LSM8: variants seen among roughly 807,000 people sequenced by gnomAD.
LSM8 encodes LSM8 homolog, U6 small nuclear RNA associated.
LSM8 carries 14 observed loss-of-function variants against 15.0 expected under a neutral mutation model. That is an observed-to-expected ratio of 0.93 (90% CI 0.62 to 1.46). The LOEUF (loss-of-function observed/expected upper bound fraction) is 1.46, where lower values mean the gene tolerates loss of function less well. LSM8 is among the 40% of genes most tolerant of loss of function. The probability of loss-of-function intolerance (pLI) is 0.00; values close to 1 mark genes in which losing one functional copy is unlikely to be tolerated. For synonymous variants in LSM8, 50 were observed against 42.1 expected (o/e 1.19, Z -0.73); for missense variants, 90 against 115.4 (o/e 0.78, Z 1.01).
intron 1 of LSM8, chr7:118,184,468 A>G (rs1190283290): frequency 8.4e-6 from 4 of 474,484 alleles, no homozygotes; most frequent in Non-Finnish European, 1.4e-5. Context: ...TGCAAAACCC[A>G]AATAAAAACC....
In LSM8 at chr7:118,198,145, T is replaced by G. The variant is rs1809111310; in HGVS notation, c.*6143T>G. On this transcript the variant is annotated 3_prime_UTR_variant, in exon 4 of 4. Transcript: ENST00000249299. ...AATGTGATGTTTTTAATCACATATT[T>G]TAAAATTAAAAATTTGATCAAATTT... Among the ~76,000 whole-genome samples the G allele has an allele frequency of 6.6e-6, 1 of 152,166 alleles. No individual in the cohort carries two copies. The highest frequency in any genetic ancestry group is 1.9e-4 in the East Asian group (1 of 5,198).
rs1182476085 is a variant in LSM8, at chr7:118,195,278, T to C, written c.*3276T>C. On this transcript the variant is annotated 3_prime_UTR_variant, in exon 4 of 4. Transcript: ENST00000249299. ...GGGATGAGTCTCTAACCCCACAGAA[T>C]TGATTTCAAACACAGGATCTTATTC... Among the ~76,000 whole-genome samples, 12 of 152,188 alleles carry C rather than the reference T, an allele frequency of 7.9e-5. No homozygotes were observed. Among genetic ancestry groups the C allele is most frequent in the Non-Finnish European group, 1.8e-4 (12 of 68,026 alleles).
Position 118,199,898 on chromosome 7 carries a change from A to G in LSM8, c.*7896A>G, listed in dbSNP as rs117914406. Among the ~76,000 whole-genome samples, 429 of 152,282 alleles carry G rather than the reference A, an allele frequency of 2.8e-3. 21 individuals carry two copies. The East Asian group carries it at 0.076, about 27-fold the overall frequency. On this transcript the variant is annotated 3_prime_UTR_variant, in exon 4 of 4. Coordinates refer to ENST00000249299, the MANE Select transcript of LSM8 (RefSeq NM_016200.5). ...GTGAATACGTTGATATAGCAATTTAATAAATGTGTTATTGTCAATGTAGGC... is the reference window on the plus strand; with the variant it reads ...GTGAATACGTTGATATAGCAATTTAGTAAATGTGTTATTGTCAATGTAGGC...
rs1184399256 is a variant in LSM8 at position 118,192,116 on chromosome 7, C to G, written c.*114C>G. On this transcript the variant is annotated 3_prime_UTR_variant, in exon 4 of 4. Coordinates refer to ENST00000249299, the MANE Select transcript of LSM8 (RefSeq NM_016200.5). Reference sequence around the variant, plus strand: ...ACTGGATTTTGACTCCTTATTGATTCATTGTAATATGTAAATTAAAATATT... The same window carrying G: ...ACTGGATTTTGACTCCTTATTGATTGATTGTAATATGTAAATTAAAATATT... The G allele has an allele frequency of 1.7e-6, 1 of 577,178 alleles. No individual in the cohort carries two copies. The highest frequency in any genetic ancestry group is 2.8e-6 in the Non-Finnish European group (1 of 359,286). The allele number at this position is 577,178 out of a possible 1,614,324, so 35.8% of individuals were successfully genotyped here.
At position 118,194,567 on chromosome 7, in the gene LSM8, G is replaced by A. The variant is rs181998565; in HGVS notation, c.*2565G>A. The stretch of plus-strand genomic sequence containing the variant: ...GTTTAACAACTTTATAACATCCTTC[G>A]GAATTTTTAAGGTAATAATGTGAGA... On this transcript the variant is annotated 3_prime_UTR_variant, in exon 4 of 4. Coordinates refer to ENST00000249299, the MANE Select transcript of LSM8 (RefSeq NM_016200.5). 2.6e-5 allele frequency among the ~76,000 whole-genome samples: 4 copies of A among 152,032 alleles called. No individual in the cohort carries two copies. Among genetic ancestry groups the A allele is most frequent in the Non-Finnish European group, 2.9e-5 (2 of 67,930 alleles).
intron 3 of LSM8, chr7:118,190,751 G>C (rs1361465316): frequency 6.6e-6 from 1 of 152,050 alleles, no homozygotes; most frequent in East Asian, 1.9e-4. Flanking sequence ...TTTATTAGAT[G>C]ATTTAAGACT....
Position 118,203,323 on chromosome 7 carries a change from C to T in LSM8, c.*11321C>T. Among the ~76,000 whole-genome samples, 1 of 151,628 alleles carries T rather than the reference C, an allele frequency of 6.6e-6. No homozygotes were observed. The highest frequency in any genetic ancestry group is 1.9e-4 in the East Asian group (1 of 5,182). On this transcript the variant is annotated 3_prime_UTR_variant, in exon 4 of 4. Coordinates refer to ENST00000249299, the MANE Select transcript of LSM8 (RefSeq NM_016200.5). ...CCCTTTTAAAACTCACATAATTTTC[C>T]CATTTCCCTTGAAGAAGATACTAAT...
At position 118,200,151 on chromosome 7, in the gene LSM8, C is replaced by A. The variant is rs1809148243; in HGVS notation, c.*8149C>A. Among the ~76,000 whole-genome samples, 1 of 152,120 alleles carries A rather than the reference C, an allele frequency of 6.6e-6. No homozygotes were observed. Among genetic ancestry groups the A allele is most frequent in the Non-Finnish European group, 1.5e-5 (1 of 68,012 alleles). On this transcript the variant is annotated 3_prime_UTR_variant, in exon 4 of 4. Transcript: ENST00000249299. ...AATGCCTTTCAAGCAACATGTTTTT[C>A]TGACTTCCAAATATAAACAACCTAA...
chr7:118,184,658 G>T, intron 1 of LSM8: 1 of 159,552 alleles, frequency 6.3e-6, no homozygotes, highest in South Asian at 1.9e-4. Context: ...CTCGTTCGAG[G>T]ATAGCAAAAA....
rs189853344 is a variant in LSM8 at position 118,193,047 on chromosome 7, T to C, written c.*1045T>C. On this transcript the variant is annotated 3_prime_UTR_variant, in exon 4 of 4. Transcript: ENST00000249299. The stretch of plus-strand genomic sequence containing the variant: ...TAGAAAAATATTTACATCCTTGTAA[T>C]TGAAACAAATTTAAATAGTTTATTT... 8.5e-5 allele frequency among the ~76,000 whole-genome samples: 13 copies of C among 152,254 alleles called. No individual in the cohort carries two copies. Among genetic ancestry groups the C allele is most frequent in the African/African-American group, 2.9e-4 (12 of 41,584 alleles).
In LSM8 at chr7:118,200,881, A is replaced by G. The variant is rs1479423905; in HGVS notation, c.*8879A>G. ...TTCTTGTAAAAAAGGAGGTTTCTAA[A>G]TCTTGACTGTTGATTGACAATTAAT... On this transcript the variant is annotated 3_prime_UTR_variant, in exon 4 of 4. Coordinates refer to ENST00000249299, the MANE Select transcript of LSM8 (RefSeq NM_016200.5). 6.6e-6 allele frequency among the ~76,000 whole-genome samples: 1 copy of G among 152,016 alleles called. No individual in the cohort carries two copies. Among genetic ancestry groups the G allele is most frequent in the Non-Finnish European group, 1.5e-5 (1 of 67,964 alleles).
intron 2 of LSM8, 107 bp from the exon 3 acceptor site, chr7:118,188,171 G>C: frequency 7.9e-7 from 1 of 1,257,954 alleles, no homozygotes; most frequent in Non-Finnish European, 1.2e-6. Context: ...CCGTCGTATA[G>C]GTACTTGTAT....
In LSM8 at chr7:118,191,579, G is replaced by A. The variant is rs199565505; in HGVS notation, c.201-333G>A. On this transcript the variant is annotated intron_variant, in intron 3 of 3. Transcript: ENST00000249299. ...AGTCCTAGAATTGAATTGAAATATG[G>A]TTTGGAAGTTTGAGGGTTTTTTACT... is the stretch of plus-strand genomic sequence containing the variant. 17 of 180,806 alleles carry A rather than the reference G, an allele frequency of 9.4e-5. No individual in the cohort carries two copies. The East Asian group carries it at 2.4e-3, about 26-fold the overall frequency. 11.2% of individuals were successfully genotyped at this position (180,806 alleles called of 1,614,324 possible).
Position 118,188,330 on chromosome 7 carries a change from A to G in LSM8, c.125A>G (p.His42Arg). ...QTINLILDES[H>R]ERVFSSSQGV... ...ATTAATTTGATTTTGGATGAAAGCC[A>G]TGAACGAGTATTCAGCTCTTCACAG... Residue 42 changes from histidine (H) to arginine (R), a missense_variant, in exon 3 of 4, where the codon CAT becomes CGT. Physicochemically the swap from His to Arg is conservative, Grantham distance 29. Coordinates refer to ENST00000249299, the MANE Select transcript of LSM8 (RefSeq NM_016200.5). 6.2e-7 allele frequency: 1 copy of G among 1,613,514 alleles called. No individual in the cohort carries two copies. Among genetic ancestry groups the G allele is most frequent in the Non-Finnish European group, 8.5e-7 (1 of 1,179,414 alleles).
Position 118,201,560 on chromosome 7 carries a change from GTT to G in LSM8, c.*9560_*9561del, listed in dbSNP as rs1358093473. On this transcript the variant is annotated 3_prime_UTR_variant, in exon 4 of 4. Coordinates refer to ENST00000249299, the MANE Select transcript of LSM8 (RefSeq NM_016200.5). ...ATTATTTTGCATTAAATATCAGTAA[GTT>G]TGATATAAAAAGCTCAGTAAAATTC... Among the ~76,000 whole-genome samples, 5 of 152,040 alleles carry G rather than the reference GTT, an allele frequency of 3.3e-5. No homozygotes were observed. Among genetic ancestry groups the G allele is most frequent in the African/African-American group, 1.2e-4 (5 of 41,426 alleles).
intron 2 of LSM8, among the ~76,000 whole-genome samples, chr7:118,186,695 G>A (rs1026829386): frequency 6.6e-6 from 1 of 152,234 alleles, no homozygotes; most frequent in Non-Finnish European, 1.5e-5. Flanking sequence ...AGGGTAGCAA[G>A]TGACAGAACC....
rs1457882214 is a variant in LSM8 at position 118,195,344 on chromosome 7, A to C, written c.*3342A>C. Among the ~76,000 whole-genome samples the C allele has an allele frequency of 6.6e-6, 1 of 152,250 alleles. No homozygotes were observed. The highest frequency in any genetic ancestry group is 1.9e-4 in the East Asian group (1 of 5,202). ...ACAGCTATCTTCTTGGGTTGTAAAA[A>C]GTAGCATTAGACTGCATTTTAAACA... On this transcript the variant is annotated 3_prime_UTR_variant, in exon 4 of 4. Transcript: ENST00000249299.
chr7:118,186,121 G>A (rs1353185563), intron 2 of LSM8, among the ~76,000 whole-genome samples: 1 of 151,956 alleles, frequency 6.6e-6, no homozygotes, highest in Non-Finnish European at 1.5e-5. Context: ...TTGTTTTTAG[G>A]TTGTGTGACA....
rs1031430734 is a variant in LSM8 at position 118,200,573 on chromosome 7, A to G, written c.*8571A>G. On this transcript the variant is annotated 3_prime_UTR_variant, in exon 4 of 4. Transcript: ENST00000249299. The stretch of plus-strand genomic sequence containing the variant: ...TACTATTTATTTAAATGCGGAGAAC[A>G]TGGCTAACCATTCAGGACCATTTAA... Among the ~76,000 whole-genome samples, 17 of 152,282 alleles carry G rather than the reference A, an allele frequency of 1.1e-4. No homozygotes were observed. Among genetic ancestry groups the G allele is most frequent in the South Asian group, 2.1e-4 (1 of 4,830 alleles).
Sources: gnomAD v4.1 joint callset for allele counts (sites outside exome capture counted in the v4.1 genomes callset) on GRCh38, gnomAD v4.1.1 for gene constraint, MANE v1.5 for transcripts, NCBI Gene and HGNC (gene_info 2026-07-23, HGNC 2026-07-21) for gene names.